Variants in LCOR observed in about 807,000 individuals in gnomAD.
LCOR encodes ligand dependent nuclear receptor corepressor.
A neutral mutation model predicts 64.4 loss-of-function variants in LCOR; 14 were observed. That is an observed-to-expected ratio of 0.22 (90% CI 0.14 to 0.34). LCOR has a LOEUF of 0.34. Among genes scored for constraint, LCOR ranks in the 10% least tolerant of loss-of-function variants. The pLI, the probability that LCOR is intolerant of heterozygous loss-of-function variation, is 1.00. For missense variants in LCOR, 1,686 were observed against 1,765.3 expected, an observed-to-expected ratio of 0.96 and a Z score of 0.80; for synonymous variants, 643 against 642.5, an observed-to-expected ratio of 1.00 and a Z score of -0.01.
At chr10:96,853,743 A>T (rs759350437) in intron 2 of LCOR, among the ~76,000 whole-genome samples, 18 of 152,210 alleles carry the variant, frequency 1.2e-4, no homozygotes, top group Non-Finnish European at 1.8e-4. Flanking sequence ...TCACACTGCT[A>T]TGAAGAAATA....
At chr10:96,980,109 A>T (rs1391172926) in intron 7 of LCOR, among the ~76,000 whole-genome samples, 1 of 152,190 alleles carries the variant, frequency 6.6e-6, no homozygotes, top group African/African-American at 2.4e-5. Flanking sequence ...GCACCACTGC[A>T]TTCCAGCCTG....
intron 4 of LCOR, among the ~76,000 whole-genome samples, chr10:96,936,103 G>A (rs1239246828): frequency 6.6e-6 from 1 of 152,274 alleles, no homozygotes; most frequent in African/African-American, 2.4e-5. Flanking sequence ...ATAAGAGACA[G>A]CTAAGAGCCC....
At chr10:96,841,925 T>C (rs1362177785) in intron 2 of LCOR, among the ~76,000 whole-genome samples, 1 of 151,600 alleles carries the variant, frequency 6.6e-6, no homozygotes, top group Non-Finnish European at 1.5e-5. Context: ...TTACTCATAA[T>C]ACTAGATAGT....
Position 96,983,059 on chromosome 10 carries a change from C to T in LCOR, c.2599C>T (p.Pro867Ser), listed in dbSNP as rs369483921. Residue 867 changes from proline (P) to serine (S), a missense_variant, in exon 8 of 8, where the codon CCT (proline) becomes TCT (serine). This residue lies in a region of LCOR where 1,293 missense variants were observed against 1,410.4 expected (regional missense o/e 0.92). Coordinates refer to ENST00000421806, the MANE Select transcript of LCOR (RefSeq NM_001346516.2). This position sits in a 1 kb window ranked among gnomAD's most constrained non-coding sequence, Gnocchi z 4.5. ...AGAAGGGCACCCTGGTGGGACAACA[C>T]CTAAGGGCCTTCTACCTGACAGTTT... ...KKEGHPGGTT[P>S]KGLLPDSFHT... 23 of 1,613,812 alleles carry T rather than the reference C, an allele frequency of 1.4e-5. No individual in the cohort carries two copies. The highest frequency in any genetic ancestry group is 1.9e-5 in the Non-Finnish European group (22 of 1,179,876).
chr10:96,839,339 A>T (rs1226407743), intron 2 of LCOR, among the ~76,000 whole-genome samples: 1 of 152,246 alleles, frequency 6.6e-6, no homozygotes, highest in Non-Finnish European at 1.5e-5. Flanking sequence ...GACCAGATAC[A>T]CTGTAACAAA....
intron 2 of LCOR, among the ~76,000 whole-genome samples, chr10:96,878,266 C>T (rs536494517): frequency 3.5e-4 from 54 of 152,126 alleles, no homozygotes; most frequent in African/African-American, 1.2e-3. Flanking sequence ...TGGTTGCTTA[C>T]GTTGATAATT....
chr10:96,895,183 A>T (rs193183712), intron 2 of LCOR, among the ~76,000 whole-genome samples: 1 of 152,130 alleles, frequency 6.6e-6, no homozygotes, highest in Non-Finnish European at 1.5e-5. Context: ...TCATAGATCT[A>T]CTTTGATTTC....
At chr10:96,892,279 G>A (rs1407189136) in intron 2 of LCOR, among the ~76,000 whole-genome samples, 3 of 151,994 alleles carry the variant, frequency 2.0e-5, no homozygotes, top group African/African-American at 7.2e-5. Context: ...GTGTTGTTAG[G>A]GGCATATATG....
intron 5 of LCOR, 110 bp downstream of exon 5, chr10:96,944,355 T>A (rs989706842): frequency 8.6e-5 from 47 of 548,522 alleles, no homozygotes; most frequent in Non-Finnish European, 1.0e-4. Flanking sequence ...TCTTTATTGA[T>A]ATAATTTATA....
At chr10:96,912,996 C>A (rs555097058) in intron 4 of LCOR, among the ~76,000 whole-genome samples, 1 of 152,098 alleles carries the variant, frequency 6.6e-6, no homozygotes, top group Non-Finnish European at 1.5e-5. Flanking sequence ...TTATCCTAGG[C>A]CATTTAGGGC....
At chr10:96,841,745 T>C (rs985390940) in intron 2 of LCOR, among the ~76,000 whole-genome samples, 2 of 151,518 alleles carry the variant, frequency 1.3e-5, no homozygotes, top group African/African-American at 4.8e-5. Context: ...GCCTGTTGTT[T>C]TAAAAAATAA....
intron 4 of LCOR, among the ~76,000 whole-genome samples, chr10:96,921,186 A>G (rs552776628): frequency 1.3e-5 from 2 of 152,114 alleles, no homozygotes; most frequent in African/African-American, 4.8e-5. Context: ...ATTATCTCCC[A>G]TTTTATAATT....
rs1847708511 is a variant in LCOR at position 96,953,014 on chromosome 10, G to GTGGA, written c.332+821_332+824dup. Among the ~76,000 whole-genome samples, 4 of 152,276 alleles carry GTGGA rather than the reference G, an allele frequency of 2.6e-5. No individual in the cohort carries two copies. The South Asian group carries it at 8.3e-4, about 32-fold the overall frequency. Reference sequence around the variant, plus strand: ...AGTTACTTAGATATTAAAGGAACAAGTGGATGCTAAGTGGACTAACCTTTT... The same window carrying GTGGA: ...AGTTACTTAGATATTAAAGGAACAAGTGGATGGATGCTAAGTGGACTAACCTTTT... On this transcript the variant is annotated intron_variant, in intron 7 of 7. Transcript: ENST00000421806.
chr10:96,855,937 T>C (rs1426292528), intron 2 of LCOR, among the ~76,000 whole-genome samples: 2 of 149,628 alleles, frequency 1.3e-5, no homozygotes, highest in Non-Finnish European at 3.0e-5. Flanking sequence ...AGTTACAGAG[T>C]TTCTCCATGT....
intron 7 of LCOR, chr10:96,958,205 A>C (rs1339980843): frequency 1.5e-6 from 2 of 1,290,932 alleles, no homozygotes; most frequent in African/African-American, 3.0e-5. Context: ...GCTTGCTTTT[A>C]TCCCCTCTCA....
Position 96,907,291 on chromosome 10 carries a change from T to C in LCOR, c.-303T>C. On this transcript the variant is annotated 5_prime_UTR_variant, in exon 3 of 8. Transcript: ENST00000421806. ...GTTTGAAAGTATTCTTGAAGGGCTG[T>C]TTGGACCTGCATTATTAAAAGATCT... 1 of 982,362 alleles carries C rather than the reference T, an allele frequency of 1.0e-6. No individual in the cohort carries two copies. Among genetic ancestry groups the C allele is most frequent in the African/African-American group, 1.7e-5 (1 of 57,276 alleles). 60.9% of individuals were successfully genotyped at this position (982,362 alleles called of 1,614,324 possible).
At chr10:96,921,381 T>A (rs1427369294) in intron 4 of LCOR, among the ~76,000 whole-genome samples, 2 of 152,220 alleles carry the variant, frequency 1.3e-5, no homozygotes, top group Non-Finnish European at 2.9e-5. Flanking sequence ...TTTTAGCTCT[T>A]ACAATTAGGT....
chr10:96,946,956 G>A lies in LCOR; in HGVS notation c.-50-2052G>A, dbSNP rs182794827. Among the ~76,000 whole-genome samples the A allele has an allele frequency of 5.5e-3, 834 of 152,104 alleles. 5 individuals are homozygous for A. Among genetic ancestry groups the A allele is most frequent in the Admixed American group, 9.9e-3 (151 of 15,270 alleles). ...CATATTCTCCCAACTATATTCAGGG[G>A]TGGAAAGGTAAACTAATGTACTAAA... is the stretch of plus-strand genomic sequence containing the variant. On this transcript the variant is annotated intron_variant, in intron 5 of 7. Transcript: ENST00000421806.
chr10:96,877,598 A>ATTTTTTT (rs57119025), intron 2 of LCOR, among the ~76,000 whole-genome samples: 11 of 65,680 alleles, frequency 1.7e-4, no homozygotes, highest in East Asian at 6.0e-4. Flanking sequence ...ATTTTTCTGA[A>ATTTTTTT]TTTTTTTTTT....
Sources: allele counts gnomAD v4.1 joint callset (sites outside exome capture counted in the v4.1 genomes callset), GRCh38; gene constraint gnomAD v4.1.1; regional missense constraint gnomAD v4.1.1; non-coding constraint Gnocchi (gnomAD v3.1); transcripts MANE v1.5; gene names NCBI Gene and HGNC (gene_info 2026-07-23, HGNC 2026-07-21).